Variants in PTGS1 observed in about 807,000 individuals in gnomAD.
PTGS1 encodes the protein prostaglandin-endoperoxide synthase 1.
In PTGS1, 40 loss-of-function variants were observed where a neutral mutation model predicts 63.0. That is an observed-to-expected ratio of 0.63 (90% CI 0.49 to 0.83). The LOEUF (loss-of-function observed/expected upper bound fraction) is 0.83. PTGS1 is among the 40% of genes least tolerant of loss of function. PTGS1 has a pLI of 0.00. For missense variants in PTGS1, 709 were observed against 786.5 expected (o/e 0.90, Z 1.18); for synonymous variants, 298 against 301.9 (o/e 0.99, Z 0.13).
chr9:122,388,326 G>A (rs1391991312), intron 9 of PTGS1, among the ~76,000 whole-genome samples: 5 of 152,132 alleles, frequency 3.3e-5, no homozygotes, highest in Admixed American at 6.5e-5. Flanking sequence ...GATTATAGGC[G>A]ACTCTCAGGA....
chr9:122,370,843 G>C (rs1162978427), upstream of PTGS1: 4 of 632,982 alleles, frequency 6.3e-6, no homozygotes, highest in African/African-American at 1.8e-5. Context: ...CATCAGAAAC[G>C]TAAGTGCTTC....
In PTGS1 at chr9:122,377,785, G is replaced by C. The variant is rs1837264823; in HGVS notation, c.95-114G>C. 3.3e-6 allele frequency: 3 copies of C among 904,850 alleles called. No individual in the cohort carries two copies. In the South Asian group the frequency reaches 4.5e-5, roughly 14 times the overall value. 56.1% of individuals were successfully genotyped at this position (904,850 alleles called of 1,614,324 possible). ...GAAGCCCTGGCACCCAGTGATTCAG[G>C]ACGGAGCTGCGACTTAAGTCCATGC... is the stretch of plus-strand genomic sequence containing the variant. On this transcript the variant is annotated intron_variant, in intron 2 of 10. Transcript: ENST00000362012.
intron 3 of PTGS1, 73 bp from the exon 4 acceptor site, chr9:122,378,360 C>A: frequency 6.3e-7 from 1 of 1,596,528 alleles, no homozygotes; most frequent in Non-Finnish European, 8.5e-7. Context: ...GTCCTCAGTG[C>A]CCCATCTTCC....
At position 122,381,729 on chromosome 9, in the gene PTGS1, T is replaced by G; in HGVS notation, c.744T>G (p.Asp248Glu). The G allele has an allele frequency of 6.2e-7, 1 of 1,613,102 alleles. No individual in the cohort carries two copies. The highest frequency in any genetic ancestry group is 8.5e-7 in the Non-Finnish European group (1 of 1,179,924). The change falls in exon 7 of 11, where the codon GAT (aspartate) becomes GAG (glutamate). Residue 248 changes from aspartate to glutamate, a missense_variant. By Grantham distance (45) the Asp-to-Glu change is conservative. Transcript: ENST00000362012. ...ERQYQLRLFK[D>E]GKLKYQVLDG... Reference sequence around the variant, plus strand: ...AGTATCAACTGCGGCTCTTTAAGGATGGGAAACTCAAGTACCAGGTAGTGC... The same window carrying G: ...AGTATCAACTGCGGCTCTTTAAGGAGGGGAAACTCAAGTACCAGGTAGTGC...
At position 122,371,064 on chromosome 9, in the gene PTGS1, C is replaced by A. The variant is rs768952985; in HGVS notation, c.-21C>A. 4 of 1,591,578 alleles carry A rather than the reference C, an allele frequency of 2.5e-6. No individual in the cohort carries two copies. The South Asian group carries it at 4.4e-5, about 18-fold the overall frequency. The stretch of plus-strand genomic sequence containing the variant: ...CGCACAGGAGCCTGCACTCTGCGTC[C>A]CGCACCCCAGCAGCCGCGCCATGAG... On this transcript the variant is annotated 5_prime_UTR_variant, in exon 1 of 11. Coordinates refer to ENST00000362012, the MANE Select transcript of PTGS1 (RefSeq NM_000962.4).
intron 10 of PTGS1, 30 bp downstream of exon 10, chr9:122,390,375 T>C: frequency 6.2e-7 from 1 of 1,609,372 alleles, no homozygotes; most frequent in Middle Eastern, 1.7e-4. Context: ...ATGCAGTCCC[T>C]GCCCTTGAGG....
At chr9:122,383,417 C>T (rs1837657000) in intron 7 of PTGS1, 92 bp from the exon 8 acceptor site, 3 of 1,508,892 alleles carry the variant, frequency 2.0e-6, no homozygotes, top group South Asian at 2.6e-5. Context: ...CTGAGGGGAA[C>T]TGGCAGCTGG....
chr9:122,388,545 G>A (rs937051305), intron 9 of PTGS1, among the ~76,000 whole-genome samples: 1 of 152,156 alleles, frequency 6.6e-6, no homozygotes, highest in Non-Finnish European at 1.5e-5. Context: ...TTGAATAGCT[G>A]CCCAAGGTCC....
rs201171604 is a variant in PTGS1, at chr9:122,394,137, C to G, written c.*1593C>G. 6.6e-6 allele frequency: 1 copy of G among 152,308 alleles called. No individual in the cohort carries two copies. Among genetic ancestry groups the G allele is most frequent in the African/African-American group, 2.4e-5 (1 of 41,446 alleles). The allele number at this position is 152,308 out of a possible 1,614,324, so 9.4% of individuals were successfully genotyped here. On this transcript the variant is annotated 3_prime_UTR_variant, in exon 11 of 11. Coordinates refer to ENST00000362012, the MANE Select transcript of PTGS1 (RefSeq NM_000962.4). ...CTATTGCGCTCTCAAGACCAGAGAC[C>G]CAACAGCAGTGATCTCAGGGCAGAC...
In PTGS1 at chr9:122,381,834, A is replaced by G; in HGVS notation, c.762+87A>G. On this transcript the variant is annotated intron_variant, in intron 7 of 10. Coordinates refer to ENST00000362012, the MANE Select transcript of PTGS1 (RefSeq NM_000962.4). ...ACTGCTTGGGGCGGGGGTCTGGGTC[A>G]TGTCCTGAGAGGGCCAACCACGGGA... The G allele has an allele frequency of 1.0e-5, 14 of 1,397,826 alleles. No individual in the cohort carries two copies. The South Asian group carries it at 1.7e-4, about 17-fold the overall frequency. 86.6% of individuals were successfully genotyped at this position (1,397,826 alleles called of 1,614,324 possible).
chr9:122,386,142 A>G (rs75097868), intron 8 of PTGS1, among the ~76,000 whole-genome samples: 4,225 of 151,602 alleles, frequency 0.028, 102 homozygotes, highest in South Asian at 0.11. Flanking sequence ...AAAAAAAAAA[A>G]AAAGAAAGAA....
At chr9:122,381,855 C>T (rs747685449) in intron 7 of PTGS1, 108 bp downstream of exon 7, 87 of 1,167,800 alleles carry the variant, frequency 7.4e-5, no homozygotes, top group Middle Eastern at 2.5e-4. Context: ...GGGCCAACCA[C>T]GGGAGTGGGA....
At position 122,392,176 on chromosome 9, in the gene PTGS1, T is replaced by C. The variant is rs187860585; in HGVS notation, c.1445-13T>C. 35 of 1,564,514 alleles carry C rather than the reference T, an allele frequency of 2.2e-5. No individual in the cohort carries two copies. In the East Asian group the frequency reaches 7.7e-4, roughly 34 times the overall value. On this transcript the variant is annotated splice_polypyrimidine_tract_variant and intron_variant, in intron 10 of 10. Transcript: ENST00000362012. Reference sequence around the variant, plus strand: ...TGGATCTGATGCTAGCATTTCCCCTTATCTCCTTGTAGGAGAGAAGGAGAT... The same window carrying C: ...TGGATCTGATGCTAGCATTTCCCCTCATCTCCTTGTAGGAGAGAAGGAGAT...
At chr9:122,373,190 G>T (rs896270767) in intron 2 of PTGS1, among the ~76,000 whole-genome samples, 1 of 152,230 alleles carries the variant, frequency 6.6e-6, no homozygotes, top group Non-Finnish European at 1.5e-5. Context: ...GAGGTTGGAT[G>T]CGTAATGTGG....
chr9:122,383,460 G>A (rs763763398), intron 7 of PTGS1, 49 bp from the exon 8 acceptor site: 2 of 1,558,284 alleles, frequency 1.3e-6, no homozygotes, highest in South Asian at 1.2e-5. Flanking sequence ...GTTGTGGGCA[G>A]CTGTGGGTGA....
intron 3 of PTGS1, 115 bp from the exon 4 acceptor site, chr9:122,378,318 C>T: frequency 2.1e-6 from 3 of 1,425,548 alleles, no homozygotes; most frequent in South Asian, 1.2e-5. Flanking sequence ...CCCACTTCCC[C>T]ATAGGTGCTA....
At chr9:122,384,669 C>G (rs932187822) in intron 8 of PTGS1, among the ~76,000 whole-genome samples, 3 of 152,100 alleles carry the variant, frequency 2.0e-5, no homozygotes, top group Admixed American at 2.0e-4. Flanking sequence ...GTGAACTCTC[C>G]AGGGACACTC....
rs1477359285 is a variant in PTGS1 at position 122,390,364 on chromosome 9, G to A, written c.1444+19G>A. On this transcript the variant is annotated intron_variant, in intron 10 of 10. Coordinates refer to ENST00000362012, the MANE Select transcript of PTGS1 (RefSeq NM_000962.4). Reference sequence around the variant, plus strand: ...CTCGTAGGTGAGCAGCTGTTTCCTGGATGCAGTCCCTGCCCTTGAGGGACT... The same window carrying A: ...CTCGTAGGTGAGCAGCTGTTTCCTGAATGCAGTCCCTGCCCTTGAGGGACT... The A allele has an allele frequency of 6.2e-7, 1 of 1,612,864 alleles. No homozygotes were observed. The highest frequency in any genetic ancestry group is 8.5e-7 in the Non-Finnish European group (1 of 1,179,386).
At chr9:122,391,433 A>G (rs1192689201) in intron 10 of PTGS1, among the ~76,000 whole-genome samples, 3 of 118,764 alleles carry the variant, frequency 2.5e-5, no homozygotes, top group Admixed American at 9.6e-5. Context: ...ATATACATAT[A>G]TATATATATA....
Sources: gnomAD v4.1 joint callset for allele counts (sites outside exome capture counted in the v4.1 genomes callset) on GRCh38, gnomAD v4.1.1 for gene constraint, MANE v1.5 for transcripts, NCBI Gene and HGNC (gene_info 2026-07-23, HGNC 2026-07-21) for gene names.